The following SLIT3 variants were observed in gnomAD, a reference collection of about 807,000 sequenced individuals.
SLIT3 encodes slit homolog 3 protein.
Under a neutral mutation model 184.0 loss-of-function variants are expected in SLIT3, and 68 were observed. That is an observed-to-expected ratio of 0.37 (90% confidence interval 0.30 to 0.45). The LOEUF is 0.45. Ranked by LOEUF, SLIT3 falls within the 20% of genes least tolerant of loss-of-function variation. The pLI is 1.00. For missense variants in SLIT3, 1,707 were observed against 2,026.0 expected (o/e 0.84, Z 3.02); for synonymous variants, 831 against 828.6 (o/e 1.00, Z -0.05).
intron 1 of SLIT3, among the ~76,000 whole-genome samples, chr5:169,263,266 C>T (rs1414663910): frequency 6.6e-6 from 1 of 152,072 alleles, no homozygotes; most frequent in Non-Finnish European, 1.5e-5. Context: ...TGTTTAAGCC[C>T]AGGGGGGCAG....
At chr5:169,039,300 G>A (rs1377389699) in intron 4 of SLIT3, among the ~76,000 whole-genome samples, 1 of 148,002 alleles carries the variant, frequency 6.8e-6, no homozygotes, top group African/African-American at 2.5e-5. Context: ...CTCCGTAAGA[G>A]TTAAGTTTTT....
At chr5:168,953,847 A>G (rs960256300) in intron 4 of SLIT3, among the ~76,000 whole-genome samples, 3 of 152,344 alleles carry the variant, frequency 2.0e-5, no homozygotes, top group East Asian at 1.9e-4. Flanking sequence ...GTGCACAAAG[A>G]GCTCTCATAC....
At chr5:169,263,693 C>T (rs184601084) in intron 1 of SLIT3, 4 of 511,708 alleles carry the variant, frequency 7.8e-6, no homozygotes, top group Non-Finnish European at 1.6e-5. Flanking sequence ...ACAGACACCC[C>T]ACACTCCCCC....
Position 169,047,245 on chromosome 5 carries a change from C to T in SLIT3, c.413+146234G>A, listed in dbSNP as rs1169315273. On this transcript the variant is annotated intron_variant, in intron 4 of 35. Transcript: ENST00000519560. ...TCCTCCTGCAACCATCCTCCTTATC[C>T]TGGTGAACAATGTCCCTCATCTACC... 2.6e-5 allele frequency among the ~76,000 whole-genome samples: 4 copies of T among 152,260 alleles called. No individual in the cohort carries two copies. In the East Asian group the frequency reaches 7.7e-4, roughly 29 times the overall value.
intron 4 of SLIT3, among the ~76,000 whole-genome samples, chr5:168,910,071 T>C (rs1761204826): frequency 6.6e-6 from 1 of 152,224 alleles, no homozygotes; most frequent in South Asian, 2.1e-4. Flanking sequence ...CAAATGATTG[T>C]GGGCAGGACC....
At position 168,692,688 on chromosome 5, in the gene SLIT3, T is replaced by C; in HGVS notation, c.3095A>G (p.Asp1032Gly). Residue 1032 changes from aspartate (D) to glycine (G), a missense_variant, in exon 29 of 36, where the codon GAC becomes GGC. Physicochemically the swap from Asp to Gly is moderately conservative, Grantham distance 94. Transcript: ENST00000519560. ...CPPNYTGELC[D>G]EVIDHCVPEL... ...AGGCACACAGTGGTCAATCACCTCGTCGCATAGCTCACCTGGCACAGATGG... is the reference window on the plus strand; with the variant it reads ...AGGCACACAGTGGTCAATCACCTCGCCGCATAGCTCACCTGGCACAGATGG... 1 of 1,613,864 alleles carries C rather than the reference T, an allele frequency of 6.2e-7. No individual in the cohort carries two copies. The highest frequency in any genetic ancestry group is 8.5e-7 in the Non-Finnish European group (1 of 1,179,824).
At chr5:168,927,824 A>G (rs1324033104) in intron 4 of SLIT3, among the ~76,000 whole-genome samples, 1 of 152,240 alleles carries the variant, frequency 6.6e-6, no homozygotes, top group African/African-American at 2.4e-5. Flanking sequence ...GGGACATTAA[A>G]TATTATTACA....
In SLIT3 at chr5:168,890,561, G is replaced by T. The variant is rs1010385128; in HGVS notation, c.414-7225C>A. 3.9e-5 allele frequency among the ~76,000 whole-genome samples: 6 copies of T among 152,306 alleles called. No homozygotes were observed. The East Asian group carries it at 9.6e-4, about 24-fold the overall frequency. On this transcript the variant is annotated intron_variant, in intron 4 of 35. Transcript: ENST00000519560. Reference sequence around the variant, plus strand: ...GTTAATTTTTAAAAATTTAAAGTGAGAATAGAATTGTGGTTATGTTTTCTT... The same window carrying T: ...GTTAATTTTTAAAAATTTAAAGTGATAATAGAATTGTGGTTATGTTTTCTT...
intron 1 of SLIT3, among the ~76,000 whole-genome samples, chr5:169,297,949 C>G (rs1767562992): frequency 6.6e-6 from 1 of 152,236 alleles, no homozygotes; most frequent in Admixed American, 6.5e-5. Context: ...TGAGTGATTC[C>G]TCTGAAGAAA....
At chr5:168,882,465 A>G (rs1249374054) in intron 5 of SLIT3, among the ~76,000 whole-genome samples, 1 of 152,168 alleles carries the variant, frequency 6.6e-6, no homozygotes, top group Non-Finnish European at 1.5e-5. Flanking sequence ...AGCTGCACAA[A>G]TCTGCACGTG....
intron 4 of SLIT3, among the ~76,000 whole-genome samples, chr5:168,884,423 TCTCTCACA>T (rs1362886042): frequency 2.2e-5 from 3 of 137,858 alleles, no homozygotes; most frequent in South Asian, 2.3e-4. Flanking sequence ...TCTCTCTCTC[TCTCTCACA>T]CACACACACA....
At chr5:169,092,001 C>G (rs1317707673) in intron 4 of SLIT3, among the ~76,000 whole-genome samples, 1 of 152,168 alleles carries the variant, frequency 6.6e-6, no homozygotes, top group Non-Finnish European at 1.5e-5. Context: ...GCAGGCGGAT[C>G]ACCTGAGGTT....
At chr5:168,865,173 C>CAAAAAAAA (rs70979103) in intron 5 of SLIT3, among the ~76,000 whole-genome samples, 5 of 56,248 alleles carry the variant, frequency 8.9e-5, no homozygotes, top group Admixed American at 2.1e-4. Context: ...AACTCCGTCT[C>CAAAAAAAA]AAAAAAAAAA....
chr5:168,992,209 CAGA>C (rs1561594093), intron 4 of SLIT3, among the ~76,000 whole-genome samples: 3 of 152,312 alleles, frequency 2.0e-5, no homozygotes, highest in South Asian at 2.1e-4. Context: ...GCGTTTTAGT[CAGA>C]CACTTCATAC....
intron 4 of SLIT3, chr5:169,030,412 T>C (rs1013588571): frequency 3.9e-5 from 6 of 152,360 alleles, no homozygotes; most frequent in African/African-American, 1.4e-4. Context: ...CTTTCAGAGA[T>C]TTTGTGACCT....
chr5:169,220,103 C>A (rs1764572719), intron 3 of SLIT3, among the ~76,000 whole-genome samples: 1 of 152,120 alleles, frequency 6.6e-6, no homozygotes, highest in African/African-American at 2.4e-5. Flanking sequence ...TTAGACCCAG[C>A]ACCACTCTCA....
At chr5:169,161,380 C>T (rs555740667) in intron 4 of SLIT3, among the ~76,000 whole-genome samples, 2 of 152,344 alleles carry the variant, frequency 1.3e-5, no homozygotes, top group South Asian at 4.1e-4. Context: ...ACTGCCCCTT[C>T]CTTGGGCCGA....
chr5:168,688,369 T>C (rs558768351), intron 29 of SLIT3, among the ~76,000 whole-genome samples: 2 of 152,284 alleles, frequency 1.3e-5, no homozygotes, highest in South Asian at 2.1e-4. Context: ...TTAGATTGTC[T>C]AATAAGCAGC....
chr5:168,839,906 T>C (rs1333097130), intron 6 of SLIT3, among the ~76,000 whole-genome samples: 1 of 151,804 alleles, frequency 6.6e-6, no homozygotes. Context: ...CAGGCAAGTC[T>C]CCTAGCCAGG....
Sources: allele counts gnomAD v4.1 joint callset (sites outside exome capture counted in the v4.1 genomes callset), GRCh38; gene constraint gnomAD v4.1.1; transcripts MANE v1.5; gene names NCBI Gene and HGNC (gene_info 2026-07-23, HGNC 2026-07-21).